TPO: variants seen among roughly 807,000 people sequenced by gnomAD.
TPO encodes the protein thyroid microsomal antigen.
In TPO, 78 loss-of-function variants were observed where a neutral mutation model predicts 96.9. The observed-to-expected ratio is 0.81, with a 90% confidence interval of 0.67 to 0.97. The LOEUF (loss-of-function observed/expected upper bound fraction) is 0.97. TPO is among the 50% of genes least tolerant of loss of function. The pLI, the probability that TPO is intolerant of heterozygous loss-of-function variation, is 0.00. For synonymous variants in TPO, 547 were observed against 538.0 expected, an observed-to-expected ratio of 1.02 and a Z score of -0.23; for missense variants, 1,252 against 1,274.8, an observed-to-expected ratio of 0.98 and a Z score of 0.27.
intron 2 of TPO, among the ~76,000 whole-genome samples, chr2:1,417,176 G>C (rs1663052403): frequency 6.6e-6 from 1 of 151,690 alleles, no homozygotes; most frequent in Non-Finnish European, 1.5e-5. Context: ...CCAGTGCCGT[G>C]ACTCACATCT....
intron 1 of TPO, among the ~76,000 whole-genome samples, chr2:1,387,112 T>C (rs1661912234): frequency 6.6e-6 from 1 of 152,230 alleles, no homozygotes; most frequent in Admixed American, 6.5e-5. Context: ...CCTTTGTGGG[T>C]AACCCGACCT....
intron 8 of TPO, among the ~76,000 whole-genome samples, chr2:1,478,491 G>A (rs1670205711): frequency 1.3e-5 from 2 of 152,230 alleles, no homozygotes; most frequent in South Asian, 2.1e-4. Flanking sequence ...GGCTGCCCCC[G>A]GGCACCATGC....
chr2:1,493,440 C>G (rs1406314501), intron 10 of TPO, among the ~76,000 whole-genome samples: 1 of 143,760 alleles, frequency 7.0e-6, no homozygotes, highest in Non-Finnish European at 1.6e-5. Flanking sequence ...AACATTCTAG[C>G]CTGGCAAACT....
At chr2:1,508,123 T>A (rs993655638) in intron 14 of TPO, among the ~76,000 whole-genome samples, 11 of 152,136 alleles carry the variant, frequency 7.2e-5, no homozygotes, top group Non-Finnish European at 1.6e-4. Flanking sequence ...AAAGGCCTTT[T>A]CTGCATCTAT....
intron 1 of TPO, among the ~76,000 whole-genome samples, chr2:1,401,488 G>C (rs1459830914): frequency 7.2e-5 from 11 of 152,076 alleles, no homozygotes; most frequent in Non-Finnish European, 1.6e-4. Flanking sequence ...CAGCCCTGGA[G>C]CCTTCCCAGC....
intron 1 of TPO, among the ~76,000 whole-genome samples, chr2:1,401,099 A>G (rs1662165361): frequency 6.6e-6 from 1 of 152,084 alleles, no homozygotes; most frequent in African/African-American, 2.4e-5. Flanking sequence ...CCTCCAGGAG[A>G]CTGAGGCTCC....
intron 1 of TPO, among the ~76,000 whole-genome samples, chr2:1,390,863 C>A (rs915177756): frequency 6.6e-6 from 1 of 152,150 alleles, no homozygotes; most frequent in Admixed American, 6.6e-5. Context: ...TATCCTTTGC[C>A]TACTTTTTGA....
chr2:1,422,167 A>C (rs1378476897), intron 2 of TPO, among the ~76,000 whole-genome samples: 2 of 152,244 alleles, frequency 1.3e-5, no homozygotes, highest in African/African-American at 4.8e-5. Flanking sequence ...ACACTGTAAG[A>C]AACTGGGTGG....
chr2:1,477,417 AGACCCGCGGGCCCTGCTTCC>A lies in TPO; in HGVS notation c.1152_1171del (p.Glu384AspfsTer81). The A allele has an allele frequency of 6.6e-7, 1 of 1,524,664 alleles. No individual in the cohort carries two copies. The highest frequency in any genetic ancestry group is 8.8e-7 in the Non-Finnish European group (1 of 1,139,720). The allele number at this position is 1,524,664 out of a possible 1,614,324, so 94.4% of individuals were successfully genotyped here. A position where few individuals can be genotyped will look rare whatever the true frequency, so the allele number is the denominator to read the frequency against. On this transcript the variant is annotated frameshift_variant, in exon 8 of 17. Coordinates refer to ENST00000329066, the MANE Select transcript of TPO (RefSeq NM_001206744.2). LOFTEE classifies it high-confidence loss of function. ...GCGCCCGAGCCCGGCATCCCCGGAG[AGACCCGCGGGCCCTGCTTCC>A]TGGCCGGAGACGGCCGCGCCAGCGA...
chr2:1,440,142 C>T (rs931255567), intron 5 of TPO, among the ~76,000 whole-genome samples: 6 of 151,736 alleles, frequency 4.0e-5, no homozygotes, highest in African/African-American at 1.5e-4. Context: ...CACTGTGCTG[C>T]GTTTCCAATG....
At chr2:1,540,917 G>A (rs1245712757) in intron 16 of TPO, 194 bp downstream of exon 16, 1 of 1,539,826 alleles carries the variant, frequency 6.5e-7, no homozygotes, top group Non-Finnish European at 8.8e-7. Context: ...CCTGCTTAGT[G>A]AGAGGAATGA....
At chr2:1,513,524 G>C (rs958248145) in intron 14 of TPO, 2 of 152,258 alleles carry the variant, frequency 1.3e-5, no homozygotes, top group Non-Finnish European at 2.9e-5. Context: ...TGGCCTGCGA[G>C]AGCTCTGGCC....
At position 1,542,597 on chromosome 2, in the gene TPO, A is replaced by C; in HGVS notation, c.*123A>C. The C allele has an allele frequency of 1.3e-6, 2 of 1,558,734 alleles. No individual in the cohort carries two copies. Among genetic ancestry groups the C allele is most frequent in the East Asian group, 2.4e-5 (1 of 41,728 alleles). On this transcript the variant is annotated 3_prime_UTR_variant, in exon 17 of 17. Transcript: ENST00000329066. ...CTGTTTTCCCAACACGGGTAAATCT[A>C]GTACCATGTCGTAGTTACTCTCAGG...
intron 13 of TPO, among the ~76,000 whole-genome samples, chr2:1,497,630 C>A (rs1672490534): frequency 6.6e-6 from 1 of 152,146 alleles, no homozygotes; most frequent in South Asian, 2.1e-4. Flanking sequence ...GCAGGAATGG[C>A]TGCTGTTCTG....
Position 1,496,053 on chromosome 2 carries a change from C to T in TPO, c.2071C>T (p.Leu691=), listed in dbSNP as rs760491353. 2 of 1,613,964 alleles carry T rather than the reference C, an allele frequency of 1.2e-6. No homozygotes were observed. Among genetic ancestry groups the T allele is most frequent in the South Asian group, 2.2e-5 (2 of 91,054 alleles). The change falls in exon 12 of 17, where the codon CTG becomes TTG. Residue 691 remains leucine, a synonymous_variant. Transcript: ENST00000329066. Reference sequence around the variant, plus strand: ...GAGGCGTGAGCTGGAGAAGCACTCCCTGTCTCGGGTCATCTGTGACAACAC... The same window carrying T: ...GAGGCGTGAGCTGGAGAAGCACTCCTTGTCTCGGGTCATCTGTGACAACAC... ...AQRRELEKHS[L]SRVICDNTGL...
intron 13 of TPO, among the ~76,000 whole-genome samples, chr2:1,498,678 C>T (rs10167570): frequency 0.046 from 7,010 of 152,236 alleles, 566 homozygotes; most frequent in African/African-American, 0.16. Flanking sequence ...GATGTTTCTC[C>T]CAGAGAACTT....
chr2:1,395,859 G>A (rs914564637), intron 1 of TPO, among the ~76,000 whole-genome samples: 12 of 152,206 alleles, frequency 7.9e-5, no homozygotes, highest in African/African-American at 2.9e-4. Flanking sequence ...CTGCCGCCAT[G>A]TAAGAGGTGC....
At chr2:1,409,874 A>G (rs1250568329), upstream of TPO, among the ~76,000 whole-genome samples, 1 of 150,062 alleles carries the variant, frequency 6.7e-6, no homozygotes, top group Non-Finnish European at 1.5e-5. Context: ...TCTCCCTCCT[A>G]TATGGAATCT....
At chr2:1,405,159 C>G (rs1662230680) in intron 1 of TPO, among the ~76,000 whole-genome samples, 1 of 150,484 alleles carries the variant, frequency 6.6e-6, no homozygotes, top group Non-Finnish European at 1.5e-5. Flanking sequence ...CCCATTTATC[C>G]ATTATCCACC....
Sources: allele counts gnomAD v4.1 joint callset (sites outside exome capture counted in the v4.1 genomes callset), GRCh38; gene constraint gnomAD v4.1.1; transcripts MANE v1.5; gene names NCBI Gene and HGNC (gene_info 2026-07-23, HGNC 2026-07-21).